Variants in MAN1A2 observed in about 807,000 individuals in gnomAD.
MAN1A2 encodes the protein mannosyl-oligosaccharide 1,2-alpha-mannosidase IB.
Under a neutral mutation model 75.7 loss-of-function variants are expected in MAN1A2, and 26 were observed. The ratio of observed to expected loss-of-function variants is 0.34; its 90% CI spans 0.25 to 0.48. MAN1A2 has a LOEUF of 0.48. Among genes scored for constraint, MAN1A2 ranks in the 20% least tolerant of loss-of-function variants. MAN1A2 has a pLI of 0.99. For missense variants in MAN1A2, 562 were observed against 775.5 expected (o/e 0.72, Z 3.27); for synonymous variants, 247 against 264.6 (o/e 0.93, Z 0.65).
intron 10 of MAN1A2, among the ~76,000 whole-genome samples, 156 bp downstream of exon 10, chr1:117,497,138 C>T (rs769195784): frequency 6.6e-6 from 1 of 151,908 alleles, no homozygotes; most frequent in Non-Finnish European, 1.5e-5. Flanking sequence ...AATTTTAATT[C>T]TGGAAATGTG....
intron 6 of MAN1A2, among the ~76,000 whole-genome samples, chr1:117,445,864 G>GTATATATATA (rs1649210326): frequency 2.0e-5 from 2 of 99,450 alleles, no homozygotes; most frequent in East Asian, 4.1e-4. Flanking sequence ...GTGTGTATGT[G>GTATATATATA]TGTGTGTGTC....
intron 3 of MAN1A2, among the ~76,000 whole-genome samples, chr1:117,414,131 A>G (rs1374890364): frequency 6.7e-6 from 1 of 150,144 alleles, no homozygotes; most frequent in East Asian, 2.0e-4. Context: ...CTCTACTCAT[A>G]TTTTGTTTGA....
intron 1 of MAN1A2, among the ~76,000 whole-genome samples, chr1:117,389,339 A>G (rs903906248): frequency 6.6e-6 from 1 of 152,180 alleles, no homozygotes; most frequent in African/African-American, 2.4e-5. Context: ...TGATGGCTTC[A>G]GGGTGAAACT....
In MAN1A2 at chr1:117,402,246, A is replaced by G; in HGVS notation, c.363A>G (p.Glu121=). The G allele has an allele frequency of 6.2e-7, 1 of 1,613,856 alleles. No homozygotes were observed. Among genetic ancestry groups the G allele is most frequent in the Non-Finnish European group, 8.5e-7 (1 of 1,179,796 alleles). Residue 121 remains glutamate, a synonymous_variant, in exon 2 of 13, where the codon GAA becomes GAG. Transcript: ENST00000356554. The part of the protein sequence containing the change: ...IRADHEKALE[E]AKEKLRKSRE... ...CTGATCATGAGAAGGCCTTGGAAGA[A>G]GCAAAAGAAAAATTAAGAAAGTCAA...
At chr1:117,409,780 C>T (rs1647746578) in intron 3 of MAN1A2, among the ~76,000 whole-genome samples, 4 of 151,960 alleles carry the variant, frequency 2.6e-5, no homozygotes, top group East Asian at 3.9e-4. Flanking sequence ...CTTAGGAGCA[C>T]CACTAAAGTC....
rs1651829044 is a variant in MAN1A2, at chr1:117,520,142, CT to C, written c.1794-2682del. On this transcript the variant is annotated intron_variant, in intron 12 of 12. Coordinates refer to ENST00000356554, the MANE Select transcript of MAN1A2 (RefSeq NM_006699.5). ...CAGCATCCGTTTTATGATTAAAACT[CT>C]CAGCAAAATCGGCATACAAGGGACA... is the stretch of plus-strand genomic sequence containing the variant. Among the ~76,000 whole-genome samples the C allele has an allele frequency of 2.0e-5, 3 of 152,102 alleles. 1 individual carries two copies. The South Asian group carries it at 6.2e-4, about 32-fold the overall frequency.
intron 10 of MAN1A2, among the ~76,000 whole-genome samples, chr1:117,498,181 G>A (rs948002349): frequency 4.6e-5 from 7 of 151,690 alleles, no homozygotes; most frequent in African/African-American, 1.7e-4. Flanking sequence ...TCAAAATAGA[G>A]GCTAAATTAA....
At chr1:117,520,621 C>T (rs531220483) in intron 12 of MAN1A2, among the ~76,000 whole-genome samples, 1 of 151,888 alleles carries the variant, frequency 6.6e-6, no homozygotes, top group African/African-American at 2.4e-5. Context: ...ACCAAGGAGG[C>T]AAAAGACCTT....
intron 3 of MAN1A2, 119 bp from the exon 4 acceptor site, chr1:117,414,593 AC>A (rs1570724003): frequency 1.8e-6 from 1 of 554,492 alleles, no homozygotes; most frequent in East Asian, 2.9e-5. Context: ...ACTTTAGTTT[AC>A]CTTTATACAT....
At chr1:117,410,762 T>C (rs995247252) in intron 3 of MAN1A2, among the ~76,000 whole-genome samples, 1 of 151,640 alleles carries the variant, frequency 6.6e-6, no homozygotes, top group African/African-American at 2.4e-5. Context: ...AGTAATGTTA[T>C]AGGATACAAG....
chr1:117,426,537 A>T (rs1648379943), intron 5 of MAN1A2, among the ~76,000 whole-genome samples: 1 of 152,202 alleles, frequency 6.6e-6, no homozygotes, highest in Non-Finnish European at 1.5e-5. Flanking sequence ...ACCAAATATC[A>T]TAGCTTAGCC....
At chr1:117,513,194 A>G (rs1270864725) in intron 12 of MAN1A2, among the ~76,000 whole-genome samples, 2 of 152,120 alleles carry the variant, frequency 1.3e-5, no homozygotes, top group African/African-American at 4.8e-5. Context: ...ATCATGCAGT[A>G]TTAGGGAGGA....
intron 12 of MAN1A2, among the ~76,000 whole-genome samples, chr1:117,508,516 A>T (rs550608372): frequency 6.6e-6 from 1 of 151,642 alleles, no homozygotes; most frequent in Non-Finnish European, 1.5e-5. Flanking sequence ...AAAGCTATAT[A>T]AGAATATGTC....
chr1:117,473,528 C>T (rs889612565), intron 8 of MAN1A2, among the ~76,000 whole-genome samples: 1 of 151,800 alleles, frequency 6.6e-6, no homozygotes, highest in African/African-American at 2.4e-5. Context: ...AGCTAAAGTC[C>T]TTTTGGGGCC....
rs545042642 is a variant in MAN1A2, at chr1:117,372,424, A to G, written c.302+3939A>G. Reference sequence around the variant, plus strand: ...ATGGCCATGGATTAGTAAGAAATACATACTATATTTAATTAATGCCCTAAT... The same window carrying G: ...ATGGCCATGGATTAGTAAGAAATACGTACTATATTTAATTAATGCCCTAAT... On this transcript the variant is annotated intron_variant, in intron 1 of 12. Coordinates refer to ENST00000356554, the MANE Select transcript of MAN1A2 (RefSeq NM_006699.5). 7.8e-4 allele frequency among the ~76,000 whole-genome samples: 118 copies of G among 152,240 alleles called. 1 individual carries two copies. Among genetic ancestry groups the G allele is most frequent in the Non-Finnish European group, 2.1e-4 (14 of 68,036 alleles).
chr1:117,472,640 G>A lies in MAN1A2; in HGVS notation c.1168+6213G>A, dbSNP rs569734258. Among the ~76,000 whole-genome samples, 7 of 151,916 alleles carry A rather than the reference G, an allele frequency of 4.6e-5. No individual in the cohort carries two copies. The East Asian group carries it at 1.2e-3, about 25-fold the overall frequency. ...AATACATTCTTTTGCTTTTCTCATA[G>A]CCTTACTTAGCTTCATGCTTCACTC... On this transcript the variant is annotated intron_variant, in intron 8 of 12. Coordinates refer to ENST00000356554, the MANE Select transcript of MAN1A2 (RefSeq NM_006699.5).
intron 5 of MAN1A2, among the ~76,000 whole-genome samples, chr1:117,426,141 C>T (rs1296952372): frequency 6.6e-6 from 1 of 151,862 alleles, no homozygotes; most frequent in Non-Finnish European, 1.5e-5. Flanking sequence ...AATGTCACTG[C>T]ATTATCTTAT....
At chr1:117,436,633 C>A (rs527965961) in intron 5 of MAN1A2, among the ~76,000 whole-genome samples, 1 of 152,262 alleles carries the variant, frequency 6.6e-6, no homozygotes, top group Non-Finnish European at 1.5e-5. Context: ...GAGGTAATGT[C>A]CACCCTGGAT....
At chr1:117,371,099 C>T (rs1481214944) in intron 1 of MAN1A2, among the ~76,000 whole-genome samples, 1 of 152,112 alleles carries the variant, frequency 6.6e-6, no homozygotes, top group East Asian at 1.9e-4. Flanking sequence ...TAGTTCCTGG[C>T]ATTTAGTAAA....
Sources: allele counts gnomAD v4.1 joint callset (sites outside exome capture counted in the v4.1 genomes callset), GRCh38; gene constraint gnomAD v4.1.1; transcripts MANE v1.5; gene names NCBI Gene and HGNC (gene_info 2026-07-23, HGNC 2026-07-21).